CTCF: variants seen among roughly 807,000 people sequenced by gnomAD.
CTCF encodes CCCTC-binding factor.
CTCF carries 7 observed loss-of-function variants against 72.3 expected under a neutral mutation model. The observed-to-expected ratio is 0.10, with a 90% CI of 0.06 to 0.18. CTCF has a LOEUF of 0.18. Ranked by LOEUF, CTCF falls within the 10% of genes least tolerant of loss-of-function variation. CTCF has a pLI of 1.00. For missense variants in CTCF, 516 were observed against 949.1 expected (o/e 0.54, Z 6.00); for synonymous variants, 374 against 315.8 (o/e 1.18, Z -1.95).
chr16:67,619,452 A>T (rs1242104023), intron 5 of CTCF, among the ~76,000 whole-genome samples: 1 of 152,180 alleles, frequency 6.6e-6, no homozygotes, highest in East Asian at 1.9e-4. Flanking sequence ...AACCAAAAAA[A>T]ACTCAGAGAC....
rs186110080 is a variant in CTCF at position 67,593,575 on chromosome 16, C to T, written c.-9-17249C>T. Reference sequence around the variant, plus strand: ...TGCCTTCTTATGATGTCTGAGGGTTCGTATCAACCTCTGTTAGGCCATTTG... The same window carrying T: ...TGCCTTCTTATGATGTCTGAGGGTTTGTATCAACCTCTGTTAGGCCATTTG... On this transcript the variant is annotated intron_variant, in intron 2 of 11. Coordinates refer to ENST00000264010, the MANE Select transcript of CTCF (RefSeq NM_006565.4). Among the ~76,000 whole-genome samples, 20 of 152,160 alleles carry T rather than the reference C, an allele frequency of 1.3e-4. No homozygotes were observed. In the East Asian group the frequency reaches 3.1e-3, roughly 24 times the overall value.
chr16:67,565,454 C>G (rs1313838784), intron 1 of CTCF, among the ~76,000 whole-genome samples: 1 of 151,950 alleles, frequency 6.6e-6, no homozygotes, highest in Non-Finnish European at 1.5e-5. Flanking sequence ...GCGGGAGAAT[C>G]ACGAGGTCAG....
rs191678726 is a variant in CTCF, at chr16:67,617,207, A to G, written c.1086+329A>G. On this transcript the variant is annotated intron_variant, in intron 5 of 11. Transcript: ENST00000264010. ...AGAAACCCGATCTGTACTAAAAAAT[A>G]AAAAATTTAGGCTGGGCCTGGTGGC... Among the ~76,000 whole-genome samples, 365 of 152,000 alleles carry G rather than the reference A, an allele frequency of 2.4e-3. 2 individuals carry two copies. The highest frequency in any genetic ancestry group is 3.6e-3 in the Non-Finnish European group (248 of 67,974).
At chr16:67,611,793 A>G (rs1597714268) in intron 3 of CTCF, among the ~76,000 whole-genome samples, 158 bp from the exon 4 acceptor site, 2 of 152,188 alleles carry the variant, frequency 1.3e-5, no homozygotes, top group African/African-American at 4.8e-5. Context: ...TTTTAATCCC[A>G]AAGAAGAAGG....
chr16:67,581,475 A>C (rs544195951), intron 2 of CTCF, among the ~76,000 whole-genome samples: 1 of 151,860 alleles, frequency 6.6e-6, no homozygotes, highest in Non-Finnish European at 1.5e-5. Flanking sequence ...GACATGCTCC[A>C]CTAGGCCTGG....
intron 2 of CTCF, among the ~76,000 whole-genome samples, chr16:67,594,549 CTT>C (rs2051786945): frequency 6.6e-6 from 1 of 152,044 alleles, no homozygotes; most frequent in Non-Finnish European, 1.5e-5. Context: ...AGTTTCTAAA[CTT>C]TGCATCACTA....
chr16:67,586,944 C>T (rs1168967500), intron 2 of CTCF, among the ~76,000 whole-genome samples: 2 of 152,044 alleles, frequency 1.3e-5, no homozygotes, highest in Non-Finnish European at 2.9e-5. Context: ...CAGGCCCGCA[C>T]CACCATGCCT....
chr16:67,630,741 T>C (rs1431040499), intron 10 of CTCF, among the ~76,000 whole-genome samples: 1 of 151,846 alleles, frequency 6.6e-6, no homozygotes, highest in East Asian at 1.9e-4. Flanking sequence ...GTGGTCGAAG[T>C]GAGACCTTGT....
At chr16:67,634,140 C>T (rs1487275761) in intron 10 of CTCF, among the ~76,000 whole-genome samples, 2 of 152,076 alleles carry the variant, frequency 1.3e-5, no homozygotes, top group African/African-American at 4.8e-5. Flanking sequence ...GAACCTCACA[C>T]CCTGCTCCCC....
At chr16:67,563,105 C>T (rs964990628) in intron 1 of CTCF, among the ~76,000 whole-genome samples, 1 of 152,000 alleles carries the variant, frequency 6.6e-6, no homozygotes, top group Non-Finnish European at 1.5e-5. Context: ...TGTCCTCCGC[C>T]CCTCCCGCGG....
chr16:67,613,059 A>G (rs948383017), intron 4 of CTCF, among the ~76,000 whole-genome samples: 2 of 152,232 alleles, frequency 1.3e-5, no homozygotes, highest in African/African-American at 4.8e-5. Flanking sequence ...TGAGCATCCT[A>G]CTTACTTTAG....
In CTCF at chr16:67,621,438, A is replaced by G. The variant is rs538999305; in HGVS notation, c.1208-4A>G. ...TATGTGTTCATTCTGTATTTTCTTT[A>G]AAGGGGAAAAGCCTTATGAATGTTA... On this transcript the variant is annotated splice_region_variant and splice_polypyrimidine_tract_variant and intron_variant, in intron 6 of 11. Transcript: ENST00000264010. 5.7e-6 allele frequency: 9 copies of G among 1,584,644 alleles called. No individual in the cohort carries two copies. The African/African-American group carries it at 8.1e-5, about 14-fold the overall frequency.
At position 67,611,336 on chromosome 16, in the gene CTCF, A is replaced by G; in HGVS notation, c.504A>G (p.Lys168=). 6.2e-7 allele frequency: 1 copy of G among 1,614,180 alleles called. No individual in the cohort carries two copies. The highest frequency in any genetic ancestry group is 8.5e-7 in the Non-Finnish European group (1 of 1,180,026). The change falls in exon 3 of 12, where the codon AAA becomes AAG. Residue 168 remains lysine (K), a synonymous_variant. Coordinates refer to ENST00000264010, the MANE Select transcript of CTCF (RefSeq NM_006565.4). The part of the protein sequence containing the change: ...LPLPEGFQVV[K]VGANGEVETL... ...TGCCTGAAGGGTTTCAGGTGGTTAAAGTGGGGGCCAATGGAGAGGTGGAGA... is the reference window on the plus strand; with the variant it reads ...TGCCTGAAGGGTTTCAGGTGGTTAAGGTGGGGGCCAATGGAGAGGTGGAGA...
chr16:67,635,051 C>T (rs1338660530), intron 10 of CTCF, among the ~76,000 whole-genome samples: 2 of 150,606 alleles, frequency 1.3e-5, no homozygotes, highest in East Asian at 3.9e-4. Flanking sequence ...GAGACGGAGT[C>T]TTGCTCTGTT....
intron 10 of CTCF, among the ~76,000 whole-genome samples, chr16:67,634,961 C>T (rs1245433743): frequency 6.6e-6 from 1 of 151,998 alleles, no homozygotes; most frequent in East Asian, 1.9e-4. Context: ...CCTCAACCTC[C>T]CAAAGTGCTG....
intron 2 of CTCF, among the ~76,000 whole-genome samples, chr16:67,574,458 C>T (rs1377534874): frequency 1.3e-5 from 2 of 151,960 alleles, no homozygotes; most frequent in African/African-American, 4.8e-5. Context: ...TCTCCTGCCT[C>T]AGTCTCCCGA....
At chr16:67,604,337 GTTTTT>G (rs1456019237) in intron 2 of CTCF, among the ~76,000 whole-genome samples, 1 of 151,780 alleles carries the variant, frequency 6.6e-6, no homozygotes, top group Admixed American at 6.6e-5. Context: ...TGTTAGTTTT[GTTTTT>G]GTTTTGTTTG....
chr16:67,587,796 C>T (rs1362438400), intron 2 of CTCF, among the ~76,000 whole-genome samples: 2 of 152,100 alleles, frequency 1.3e-5, no homozygotes, highest in African/African-American at 2.4e-5. Context: ...CTCATTGAGT[C>T]ATACATTCTG....
At chr16:67,572,887 C>T (rs2051442120) in intron 2 of CTCF, among the ~76,000 whole-genome samples, 1 of 149,368 alleles carries the variant, frequency 6.7e-6, no homozygotes, top group African/African-American at 2.5e-5. Flanking sequence ...TTGCAGTGAG[C>T]CAGGATTGTG....
Sources: allele counts gnomAD v4.1 joint callset (sites outside exome capture counted in the v4.1 genomes callset), GRCh38; gene constraint gnomAD v4.1.1; transcripts MANE v1.5; gene names NCBI Gene and HGNC (gene_info 2026-07-23, HGNC 2026-07-21).